Variants in JCAD observed in about 807,000 individuals in gnomAD.
JCAD encodes the protein junctional cadherin 5 associated, also known as junctional cadherin 5-associated protein.
In JCAD, 40 loss-of-function variants were observed where a neutral mutation model predicts 98.0. That is an observed-to-expected ratio of 0.41 (90% CI 0.32 to 0.53). JCAD has a LOEUF of 0.53. Ranked by LOEUF, JCAD falls within the 20% of genes least tolerant of loss-of-function variation. The pLI, the probability that JCAD is intolerant of heterozygous loss-of-function variation, is 0.31. For missense variants in JCAD, 1,705 were observed against 1,738.1 expected, an observed-to-expected ratio of 0.98 and a Z score of 0.34; for synonymous variants, 691 against 682.3, an observed-to-expected ratio of 1.01 and a Z score of -0.20.
chr10:30,067,836 A>G (rs1327717605), intron 2 of JCAD, among the ~76,000 whole-genome samples: 1 of 152,194 alleles, frequency 6.6e-6, no homozygotes. Flanking sequence ...GAGTGCATGT[A>G]CACAAACCAA....
At chr10:30,086,765 T>G (rs150998349) in intron 1 of JCAD, among the ~76,000 whole-genome samples, 407 of 152,358 alleles carry the variant, frequency 2.7e-3, no homozygotes, top group African/African-American at 9.4e-3. Context: ...CTGATGCATG[T>G]GATTTGAAAA....
intron 1 of JCAD, among the ~76,000 whole-genome samples, chr10:30,104,782 TTTTG>T (rs148220694): frequency 0.31 from 46,774 of 151,804 alleles, 7,430 homozygotes; most frequent in African/African-American, 0.35. Flanking sequence ...AGTTTTTTGT[TTTTG>T]TTTGTTTGTT....
intron 1 of JCAD, among the ~76,000 whole-genome samples, chr10:30,055,109 CTT>C (rs1837542678): frequency 6.6e-6 from 1 of 152,202 alleles, no homozygotes; most frequent in Non-Finnish European, 1.5e-5. Context: ...CAGAGAGACT[CTT>C]AACCTGTTTT....
chr10:30,028,059 C>T lies in JCAD; in HGVS notation c.2089G>A (p.Glu697Lys), dbSNP rs775010422. The T allele has an allele frequency of 1.2e-6, 2 of 1,614,220 alleles. No homozygotes were observed. Among genetic ancestry groups the T allele is most frequent in the African/African-American group, 1.3e-5 (1 of 75,064 alleles). Residue 697 changes from glutamate to lysine, a missense_variant, in exon 3 of 4, where the codon GAG becomes AAG. By Grantham distance (56) the Glu-to-Lys change is moderately conservative. Transcript: ENST00000375377. ...RDQQTQTSFS[E>K]EPQSSQLLPG... ...AGCAGCTGCGAACTTTGGGGCTCCT[C>T]GGAGAAACTGGTTTGTGTTTGCTGA...
chr10:30,031,095 G>A (rs1836980548), intron 2 of JCAD, among the ~76,000 whole-genome samples: 1 of 151,324 alleles, frequency 6.6e-6, no homozygotes, highest in African/African-American at 2.4e-5. Flanking sequence ...GGTAGGTCTG[G>A]GTTAGGGCCC....
At chr10:30,048,575 T>C (rs781372660) in intron 1 of JCAD, among the ~76,000 whole-genome samples, 6 of 152,194 alleles carry the variant, frequency 3.9e-5, no homozygotes, top group Non-Finnish European at 7.3e-5. Context: ...GAAAGTCTTT[T>C]TTTTTTTGAG....
intron 3 of JCAD, among the ~76,000 whole-genome samples, chr10:30,018,741 G>A (rs932871720): frequency 1.2e-4 from 19 of 152,032 alleles, no homozygotes; most frequent in African/African-American, 4.1e-4. Context: ...TCACACGTGC[G>A]CCTCCTGTGG....
At chr10:30,049,649 C>A (rs1837429032) in intron 1 of JCAD, among the ~76,000 whole-genome samples, 2 of 152,164 alleles carry the variant, frequency 1.3e-5, no homozygotes, top group African/African-American at 4.8e-5. Flanking sequence ...AGGAGTTGTA[C>A]AACTTGGGTC....
Position 30,026,267 on chromosome 10 carries a change from C to T in JCAD, c.3881G>A (p.Gly1294Asp), listed in dbSNP as rs371824065. Residue 1294 changes from glycine (G) to aspartate (D), a missense_variant, in exon 3 of 4, where the codon GGC (glycine) becomes GAC (aspartate). Coordinates refer to ENST00000375377, the MANE Select transcript of JCAD (RefSeq NM_020848.4). ...AAGGCCTCCCGGGAGCCCGGCCTGG[C>T]CCCTTGTGGTGGCCTTCAATTCCTC... The part of the protein sequence containing the change: ...DAEELKATTR[G>D]QAGLPGGLVS... 22 of 1,613,804 alleles carry T rather than the reference C, an allele frequency of 1.4e-5. No individual in the cohort carries two copies. The highest frequency in any genetic ancestry group is 1.6e-4 in the Middle Eastern group (1 of 6,084).
chr10:30,089,006 C>T (rs1355690063), intron 1 of JCAD, among the ~76,000 whole-genome samples: 1 of 152,018 alleles, frequency 6.6e-6, no homozygotes, highest in African/African-American at 2.4e-5. Flanking sequence ...GCACATTAAC[C>T]AAAATGGAGC....
At chr10:30,080,716 G>C (rs954622551) in intron 1 of JCAD, among the ~76,000 whole-genome samples, 3 of 151,906 alleles carry the variant, frequency 2.0e-5, no homozygotes, top group Non-Finnish European at 4.4e-5. Flanking sequence ...AGGCCCCCTG[G>C]CCCATCAGCC....
intron 3 of JCAD, among the ~76,000 whole-genome samples, chr10:30,020,343 A>AAAAAG (rs1564438255): frequency 1.3e-5 from 2 of 151,476 alleles, no homozygotes. Context: ...AAAAAAAAAA[A>AAAAAG]AAAAGAAAAA....
At position 30,028,207 on chromosome 10, in the gene JCAD, G is replaced by C. The variant is rs267602467; in HGVS notation, c.1941C>G (p.Phe647Leu). 1 of 1,614,104 alleles carries C rather than the reference G, an allele frequency of 6.2e-7. No individual in the cohort carries two copies. The highest frequency in any genetic ancestry group is 1.1e-5 in the South Asian group (1 of 91,068). ...CTGGTTCCCCTAGATCTTGTTTTTG[G>C]AACTCCGTTCTCCCACCCATGCTTC... ...LTGSMGGRTEFQKQDLGEPEE... is the reference protein window; with the variant it reads ...LTGSMGGRTELQKQDLGEPEE... The change falls in exon 3 of 4, where the codon TTC becomes TTG. Residue 647 changes from phenylalanine (F) to leucine (L), a missense_variant. By Grantham distance (22) the Phe-to-Leu change is conservative. Around this residue, in one of 3 missense-constraint regions of JCAD, gnomAD observed 1,278 missense variants for 1,243.1 expected, o/e 1.03. Coordinates refer to ENST00000375377, the MANE Select transcript of JCAD (RefSeq NM_020848.4).
At chr10:30,044,545 C>T (rs1398194951) in intron 2 of JCAD, among the ~76,000 whole-genome samples, 2 of 152,156 alleles carry the variant, frequency 1.3e-5, no homozygotes, top group East Asian at 1.9e-4. Context: ...GAGGCCAGCC[C>T]AGCAGAGGTC....
intron 2 of JCAD, among the ~76,000 whole-genome samples, chr10:30,038,702 A>AAAAG (rs1564449568): frequency 6.0e-5 from 9 of 150,670 alleles, no homozygotes; most frequent in African/African-American, 2.0e-4. Flanking sequence ...AAAAAAAAAA[A>AAAAG]AAAGAAAGAA....
chr10:30,053,387 C>T (rs564615011), intron 1 of JCAD, among the ~76,000 whole-genome samples: 116 of 151,790 alleles, frequency 7.6e-4, no homozygotes, highest in Non-Finnish European at 1.4e-3. Context: ...ATGGTGAAAC[C>T]CCACCTTTAC....
chr10:30,100,620 G>A (rs1588654946), intron 1 of JCAD, among the ~76,000 whole-genome samples: 1 of 152,292 alleles, frequency 6.6e-6, no homozygotes, highest in Admixed American at 6.5e-5. Context: ...CGAACCTCAG[G>A]TGATCTGCCC....
intron 1 of JCAD, among the ~76,000 whole-genome samples, chr10:30,055,532 A>G (rs1314938994): frequency 6.6e-6 from 1 of 152,194 alleles, no homozygotes; most frequent in African/African-American, 2.4e-5. Context: ...AGTCTTAATT[A>G]TTAAATAACG....
chr10:30,101,379 A>G (rs1588655375), intron 1 of JCAD, among the ~76,000 whole-genome samples: 1 of 152,330 alleles, frequency 6.6e-6, no homozygotes, highest in Non-Finnish European at 1.5e-5. Flanking sequence ...ACTGCACTCC[A>G]GCCTGGGTGA....
Sources: gnomAD v4.1 joint callset for allele counts (sites outside exome capture counted in the v4.1 genomes callset) on GRCh38, gnomAD v4.1.1 for gene constraint, gnomAD v4.1.1 regional missense constraint, MANE v1.5 for transcripts, NCBI Gene and HGNC (gene_info 2026-07-23, HGNC 2026-07-21) for gene names.